EIF4E2: variants seen among roughly 807,000 people sequenced by gnomAD.
EIF4E2 encodes eukaryotic translation initiation factor 4E family member 2.
In EIF4E2, 13 loss-of-function variants were observed where a neutral mutation model predicts 34.2. The ratio of observed to expected loss-of-function variants is 0.38; its 90% confidence interval spans 0.25 to 0.60. EIF4E2 has a LOEUF of 0.60. Among genes scored for constraint, EIF4E2 ranks in the 20% least tolerant of loss-of-function variants. EIF4E2 has a pLI of 0.62. For synonymous variants in EIF4E2, 100 were observed against 106.6 expected, an observed-to-expected ratio of 0.94 and a Z score of 0.38; for missense variants, 222 against 315.1, an observed-to-expected ratio of 0.70 and a Z score of 2.24.
chr2:232,570,548 T>G (rs757179698), downstream of EIF4E2, among the ~76,000 whole-genome samples: 2 of 152,190 alleles, frequency 1.3e-5, no homozygotes, highest in Non-Finnish European at 2.9e-5. Flanking sequence ...TCCTTGTCAA[T>G]ATGAACAAAA....
chr2:232,583,511 C>G (rs1233827031), exon 7 of EIF4E2: 1 of 151,858 alleles, frequency 6.6e-6, no homozygotes, highest in Admixed American at 6.6e-5. Context: ...AGCTTGTGGT[C>G]CACAATGCTC....
chr2:232,574,201 C>G, downstream of EIF4E2: 5 of 1,496,476 alleles, frequency 3.3e-6, no homozygotes, highest in Middle Eastern at 1.7e-4. Flanking sequence ...TGTGTCTGCT[C>G]TCTGTGTTCA....
At chr2:232,565,695 T>G (rs1015555839) in intron 4 of EIF4E2, among the ~76,000 whole-genome samples, 3 of 152,198 alleles carry the variant, frequency 2.0e-5, no homozygotes, top group Non-Finnish European at 1.5e-5. Context: ...TTGTTCTTCC[T>G]TAACATAGTG....
chr2:232,572,131 T>G (rs1693106342), downstream of EIF4E2, among the ~76,000 whole-genome samples: 1 of 152,194 alleles, frequency 6.6e-6, no homozygotes, highest in South Asian at 2.1e-4. Flanking sequence ...TCATGACACT[T>G]CTTACATTTA....
At chr2:232,564,434 GTATTT>G (rs10603391) in intron 4 of EIF4E2, 83 bp downstream of exon 4, 232,773 of 526,662 alleles carry the variant, frequency 0.44, 55,740 homozygotes, top group South Asian at 0.57. Flanking sequence ...AAGGTTAAAA[GTATTT>G]TATTTTATTT....
At chr2:232,574,111 G>T (rs564429003), downstream of EIF4E2, 5 of 806,896 alleles carry the variant, frequency 6.2e-6, no homozygotes, top group South Asian at 7.3e-5. Flanking sequence ...GGAAAGTCCA[G>T]TGGGACCTCG....
In EIF4E2 at chr2:232,577,894, A is replaced by T. The variant is rs370244156; in HGVS notation, c.666-3010A>T. Among the ~76,000 whole-genome samples, 10 of 152,234 alleles carry T rather than the reference A, an allele frequency of 6.6e-5. No homozygotes were observed. In the East Asian group the frequency reaches 1.7e-3, roughly 26 times the overall value. ...AATTTTAGTTTGCTTTTAAAAGAAC[A>T]GAAGCACATTGTTTTTTAAGGGGTC... On this transcript the variant is annotated intron_variant, in intron 6 of 6. Coordinates refer to the EIF4E2 transcript ENST00000409098.
intron 6 of EIF4E2, among the ~76,000 whole-genome samples, chr2:232,580,084 CCA>C (rs6147227): frequency 0.02 from 2,952 of 145,200 alleles, 44 homozygotes; most frequent in African/African-American, 0.044. Flanking sequence ...CACATACATA[CCA>C]CACACACACA....
chr2:232,550,798 C>T, intron 1 of EIF4E2, 54 bp downstream of exon 1: 2 of 1,493,738 alleles, frequency 1.3e-6, no homozygotes, highest in Non-Finnish European at 1.8e-6. Context: ...TTCCCCCGCG[C>T]CCGCCCCCGC....
rs200061490 is a variant in EIF4E2 at position 232,552,723 on chromosome 2, G to C, written c.20+1979G>C. 4.6e-5 allele frequency among the ~76,000 whole-genome samples: 7 copies of C among 151,850 alleles called. No individual in the cohort carries two copies. In the East Asian group the frequency reaches 7.7e-4, roughly 17 times the overall value. On this transcript the variant is annotated intron_variant, in intron 1 of 6. Coordinates refer to ENST00000258416, the MANE Select transcript of EIF4E2 (RefSeq NM_004846.4). ...CCTCTTCTACGATTGAAGAACCTGG[G>C]TCATTTTAATTACTTTGAATTATTA...
rs574390338 is a variant in EIF4E2, at chr2:232,559,939, C to T, written c.270+1921C>T. On this transcript the variant is annotated intron_variant, in intron 3 of 6. Coordinates refer to ENST00000258416, the MANE Select transcript of EIF4E2 (RefSeq NM_004846.4). ...CTAGGAGGTTAAGACTACAGTGAGCCTTTTTTGTGCCACTGCACTCTAGCC... is the reference window on the plus strand; with the variant it reads ...CTAGGAGGTTAAGACTACAGTGAGCTTTTTTTGTGCCACTGCACTCTAGCC... 2.6e-5 allele frequency among the ~76,000 whole-genome samples: 4 copies of T among 152,008 alleles called. No individual in the cohort carries two copies. The East Asian group carries it at 7.7e-4, about 29-fold the overall frequency.
rs781022191 is a variant in EIF4E2, at chr2:232,555,345, T to TA, written c.21-1068dup. 5.3e-5 allele frequency among the ~76,000 whole-genome samples: 8 copies of TA among 152,326 alleles called. No homozygotes were observed. The East Asian group carries it at 5.8e-4, about 11-fold the overall frequency. ...ATGAATTAATGGTCCAGCCCTAAAATAAATGGCTTTCTTATTGTCTTTGCA... is the reference window on the plus strand; with the variant it reads ...ATGAATTAATGGTCCAGCCCTAAAATAAAATGGCTTTCTTATTGTCTTTGCA... On this transcript the variant is annotated intron_variant, in intron 1 of 6. Transcript: ENST00000258416.
At position 232,550,704 on chromosome 2, in the gene EIF4E2, G is replaced by T; in HGVS notation, c.-21G>T. The T allele has an allele frequency of 6.3e-7, 1 of 1,584,286 alleles. No homozygotes were observed. The highest frequency in any genetic ancestry group is 8.6e-7 in the Non-Finnish European group (1 of 1,167,030). ...AGCGGAAGTCACTCCCTGAGGCAGT[G>T]GCGACAGCGGCGGCGAGAGGATGAA... On this transcript the variant is annotated 5_prime_UTR_variant, in exon 1 of 7. Transcript: ENST00000258416.
chr2:232,577,144 T>C (rs536251149), intron 6 of EIF4E2, among the ~76,000 whole-genome samples: 1 of 152,324 alleles, frequency 6.6e-6, no homozygotes, highest in South Asian at 2.1e-4. Context: ...TGGAATAAAA[T>C]AAAGTTGAAG....
intron 1 of EIF4E2, among the ~76,000 whole-genome samples, chr2:232,551,789 T>C (rs1692341484): frequency 6.6e-6 from 1 of 152,210 alleles, no homozygotes; most frequent in Non-Finnish European, 1.5e-5. Context: ...TTGGGGTGTT[T>C]CCAATACAGA....
intron 3 of EIF4E2, among the ~76,000 whole-genome samples, chr2:232,560,194 G>T (rs181918595): frequency 6.6e-6 from 1 of 152,024 alleles, no homozygotes; most frequent in Non-Finnish European, 1.5e-5. Flanking sequence ...TCTCTTCATC[G>T]TATCCTTTGT....
Position 232,581,057 on chromosome 2 carries a change from C to A in EIF4E2, c.*114C>A. ...ACTGAAGGGACGTCCCTGAGCCGTG[C>A]GCTCTCCTTTTGCACTCATTCCTGG... On this transcript the variant is annotated 3_prime_UTR_variant, in exon 7 of 7. Transcript: ENST00000409098. This position sits in a 1 kb window ranked among gnomAD's most constrained non-coding sequence, Gnocchi z 5.2. The A allele has an allele frequency of 9.4e-7, 1 of 1,058,492 alleles. No individual in the cohort carries two copies. Among genetic ancestry groups the A allele is most frequent in the Non-Finnish European group, 1.4e-6 (1 of 698,236 alleles). 65.6% of individuals were successfully genotyped at this position (1,058,492 alleles called of 1,614,324 possible).
rs780015981 is a variant in EIF4E2 at position 232,566,998 on chromosome 2, C to G, written c.528+17C>G. The stretch of plus-strand genomic sequence containing the variant: ...CGCTTTCAGGTAAGCCACCCATGAG[C>G]CAGGCTGGTTTCTTGTGTTGCCTTT... On this transcript the variant is annotated intron_variant, in intron 5 of 6. Coordinates refer to ENST00000258416, the MANE Select transcript of EIF4E2 (RefSeq NM_004846.4). The surrounding 1 kb of genome is among the most constrained non-coding windows in gnomAD (Gnocchi z 4.9). 6.3e-7 allele frequency: 1 copy of G among 1,589,448 alleles called. No individual in the cohort carries two copies. Among genetic ancestry groups the G allele is most frequent in the Admixed American group, 1.7e-5 (1 of 57,940 alleles).
At chr2:232,555,037 C>G (rs1050179788) in intron 1 of EIF4E2, among the ~76,000 whole-genome samples, 7 of 152,158 alleles carry the variant, frequency 4.6e-5, no homozygotes, top group African/African-American at 1.7e-4. Context: ...TATCCTACAG[C>G]TAGGGCTGTG....
Sources: allele counts gnomAD v4.1 joint callset (sites outside exome capture counted in the v4.1 genomes callset), GRCh38; gene constraint gnomAD v4.1.1; non-coding constraint Gnocchi (gnomAD v3.1); transcripts MANE v1.5; gene names NCBI Gene and HGNC (gene_info 2026-07-23, HGNC 2026-07-21).